Variants in GPR107 observed in about 807,000 individuals in gnomAD.
GPR107 encodes protein GPR107.
GPR107 carries 31 observed loss-of-function variants against 75.5 expected under a neutral mutation model. The ratio of observed to expected loss-of-function variants is 0.41; its 90% CI spans 0.31 to 0.55. GPR107 has a LOEUF of 0.55. Ranked by LOEUF, GPR107 falls within the 20% of genes least tolerant of loss-of-function variation. GPR107 has a pLI of 0.26. For synonymous variants in GPR107, 267 were observed against 251.3 expected (o/e 1.06, Z -0.59); for missense variants, 572 against 665.7 (o/e 0.86, Z 1.55).
chr9:130,098,111 G>A (rs774709325), intron 9 of GPR107, among the ~76,000 whole-genome samples: 3 of 152,064 alleles, frequency 2.0e-5, no homozygotes, highest in Admixed American at 6.6e-5. Context: ...CCAAACTCTT[G>A]GGCTTAAGTA....
chr9:130,104,827 A>G (rs570614637), intron 13 of GPR107, among the ~76,000 whole-genome samples: 95 of 152,354 alleles, frequency 6.2e-4, no homozygotes, highest in Non-Finnish European at 1.3e-3. Flanking sequence ...AGAACTTGGT[A>G]GTAACTTAAA....
At chr9:130,095,256 TC>T (rs1209079299) in intron 9 of GPR107, among the ~76,000 whole-genome samples, 1 of 152,144 alleles carries the variant, frequency 6.6e-6, no homozygotes, top group African/African-American at 2.4e-5. Flanking sequence ...GCTTTGCAAA[TC>T]AGGGCGCAAT....
At chr9:130,062,368 G>A (rs752432723) in intron 1 of GPR107, among the ~76,000 whole-genome samples, 2 of 150,878 alleles carry the variant, frequency 1.3e-5, no homozygotes, top group Non-Finnish European at 2.9e-5. Flanking sequence ...AGCTGAGATT[G>A]CGCTATTGCA....
intron 10 of GPR107, among the ~76,000 whole-genome samples, chr9:130,099,868 C>CTTTTT (rs71387314): frequency 1.6e-4 from 14 of 90,024 alleles, no homozygotes; most frequent in Non-Finnish European, 2.5e-4. Context: ...GTTTCCACGA[C>CTTTTT]TTTTTTTTTT....
intron 13 of GPR107, among the ~76,000 whole-genome samples, chr9:130,106,766 T>C (rs1366198492): frequency 6.6e-6 from 1 of 151,744 alleles, no homozygotes; most frequent in Non-Finnish European, 1.5e-5. Context: ...TTACGGAGGA[T>C]TTAGGAAGAG....
rs781825372 is a variant in GPR107, at chr9:130,135,122, CAG to C, written c.*4_*5del. ...GGGCGAGTGGGAAGGCGCCGTGTGA[CAG>C]AGCCGACCCTGAGGATGGCACTGTC... On this transcript the variant is annotated 3_prime_UTR_variant, in exon 18 of 18. Coordinates refer to ENST00000347136, the MANE Select transcript of GPR107 (RefSeq NM_020960.5). The C allele has an allele frequency of 7.0e-6, 11 of 1,563,542 alleles. 1 individual carries two copies. In the South Asian group the frequency reaches 1.1e-4, roughly 16 times the overall value.
Position 130,076,788 on chromosome 9 carries a change from C to T in GPR107, c.306+326C>T, listed in dbSNP as rs948014034. Reference sequence around the variant, plus strand: ...GTGGCCTCCCAGAGTGCTAGGACTGCAGGCGTGAGCACCACGCCTGGCCAC... The same window carrying T: ...GTGGCCTCCCAGAGTGCTAGGACTGTAGGCGTGAGCACCACGCCTGGCCAC... On this transcript the variant is annotated intron_variant, in intron 3 of 17. Coordinates refer to ENST00000347136, the MANE Select transcript of GPR107 (RefSeq NM_020960.5). Among the ~76,000 whole-genome samples the T allele has an allele frequency of 5.3e-5, 8 of 152,176 alleles. No homozygotes were observed. The East Asian group carries it at 1.5e-3, about 29-fold the overall frequency.
At chr9:130,106,556 C>G (rs893692943) in intron 13 of GPR107, among the ~76,000 whole-genome samples, 2 of 151,514 alleles carry the variant, frequency 1.3e-5, no homozygotes, top group East Asian at 3.9e-4. Context: ...AAGATCATGC[C>G]ACTGCACTCC....
intron 17 of GPR107, among the ~76,000 whole-genome samples, chr9:130,132,671 A>G (rs1274005603): frequency 2.6e-5 from 4 of 152,078 alleles, no homozygotes; most frequent in African/African-American, 9.7e-5. Context: ...CCTATAATCC[A>G]GGTACTTGGG....
intron 1 of GPR107, among the ~76,000 whole-genome samples, chr9:130,056,484 C>T (rs917535616): frequency 6.6e-6 from 1 of 150,996 alleles, no homozygotes; most frequent in Non-Finnish European, 1.5e-5. Context: ...AATAAACATC[C>T]GAAGTCAGGG....
chr9:130,104,431 T>C lies in GPR107; in HGVS notation c.1143T>C (p.Asn381=), dbSNP rs770135002. ...TCTCATGTCTGTAGGTCCTGGCAAA[T>C]GTAGCCTACATCATCATAGAGTCCA... ...MIVIPLQVLA[N]VAYIIIESTE... The change falls in exon 13 of 18, where the codon AAT becomes AAC. Residue 381 remains asparagine, a synonymous_variant. Coordinates refer to ENST00000347136, the MANE Select transcript of GPR107 (RefSeq NM_020960.5). 5 of 1,613,882 alleles carry C rather than the reference T, an allele frequency of 3.1e-6. No homozygotes were observed. The highest frequency in any genetic ancestry group is 2.2e-5 in the South Asian group (2 of 91,078).
chr9:130,130,350 T>C (rs974208439), intron 17 of GPR107, among the ~76,000 whole-genome samples: 2 of 151,984 alleles, frequency 1.3e-5, no homozygotes, highest in Non-Finnish European at 2.9e-5. Flanking sequence ...GGAGTGAGAG[T>C]GGAAGGAAAT....
In GPR107 at chr9:130,101,118, G is replaced by A. The variant is rs377371563; in HGVS notation, c.1026G>A (p.Ala342=). Residue 342 remains alanine, a synonymous_variant, in exon 12 of 18, where the codon GCG becomes GCA. Coordinates refer to ENST00000347136, the MANE Select transcript of GPR107 (RefSeq NM_020960.5). ...VYYITHLLKG[A]LLFITIALIG... Reference sequence around the variant, plus strand: ...TTTTCTCTTCCAGTTTGAAAGGGGCGCTACTCTTCATCACCATTGCACTCA... The same window carrying A: ...TTTTCTCTTCCAGTTTGAAAGGGGCACTACTCTTCATCACCATTGCACTCA... The A allele has an allele frequency of 1.2e-4, 192 of 1,596,882 alleles. No individual in the cohort carries two copies. The highest frequency in any genetic ancestry group is 6.6e-4 in the South Asian group (60 of 90,706).
chr9:130,080,636 C>T (rs910745636), intron 5 of GPR107, among the ~76,000 whole-genome samples: 7 of 151,670 alleles, frequency 4.6e-5, no homozygotes, highest in African/African-American at 1.2e-4. Flanking sequence ...GGACTACAGG[C>T]GCCCGCCACC....
intron 1 of GPR107, among the ~76,000 whole-genome samples, chr9:130,066,718 G>C (rs1166319928): frequency 6.6e-6 from 1 of 152,118 alleles, no homozygotes; most frequent in Non-Finnish European, 1.5e-5. Flanking sequence ...GGGCGCGGTG[G>C]CTCATGCCTG....
At position 130,138,362 on chromosome 9, in the gene GPR107, G is replaced by C. The variant is rs61456260; in HGVS notation, c.*3241G>C. The C allele has an allele frequency of 6.6e-6, 1 of 151,864 alleles. No homozygotes were observed. The highest frequency in any genetic ancestry group is 1.5e-5 in the Non-Finnish European group (1 of 68,086). 9.4% of individuals were successfully genotyped at this position (151,864 alleles called of 1,614,324 possible). A position where few individuals can be genotyped will look rare whatever the true frequency, so the allele number is the denominator to read the frequency against. ...TCGTGTGGGTGAGATTTCCTCCTGCGTGATGACCTCATCGCCATCTCTGCT... is the reference window on the plus strand; with the variant it reads ...TCGTGTGGGTGAGATTTCCTCCTGCCTGATGACCTCATCGCCATCTCTGCT... On this transcript the variant is annotated 3_prime_UTR_variant, in exon 18 of 18. Coordinates refer to ENST00000347136, the MANE Select transcript of GPR107 (RefSeq NM_020960.5).
intron 1 of GPR107, among the ~76,000 whole-genome samples, chr9:130,054,916 C>T (rs182756143): frequency 6.6e-6 from 1 of 152,216 alleles, no homozygotes; most frequent in East Asian, 1.9e-4. Flanking sequence ...CCTCCCCAAA[C>T]CTGTCTCTAC....
Position 130,053,925 on chromosome 9 carries a change from GAACA to G in GPR107, c.-3_1del. 6.4e-7 allele frequency: 1 copy of G among 1,557,792 alleles called. No homozygotes were observed. The highest frequency in any genetic ancestry group is 8.7e-7 in the Non-Finnish European group (1 of 1,152,602). ...GGAGAGGAAGCGGCTGGTGATGCTG[GAACA>G]AACATGGCCGCTCTGGCGCCCGTCG... is the stretch of plus-strand genomic sequence containing the variant. On this transcript the variant is annotated 5_prime_UTR_variant, in exon 1 of 18. Coordinates refer to ENST00000347136, the MANE Select transcript of GPR107 (RefSeq NM_020960.5).
chr9:130,070,875 C>T (rs914796632), intron 1 of GPR107, among the ~76,000 whole-genome samples: 3 of 151,702 alleles, frequency 2.0e-5, no homozygotes, highest in African/African-American at 7.3e-5. Context: ...TGCCACCACG[C>T]CTGGCCAAAT....
Sources: gnomAD v4.1 joint callset for allele counts (sites outside exome capture counted in the v4.1 genomes callset) on GRCh38, gnomAD v4.1.1 for gene constraint, MANE v1.5 for transcripts, NCBI Gene and HGNC (gene_info 2026-07-23, HGNC 2026-07-21) for gene names.